PTPRN2: variants seen among roughly 807,000 people sequenced by gnomAD.
The protein encoded by PTPRN2 is receptor-type tyrosine-protein phosphatase N2.
A neutral mutation model predicts 118.8 loss-of-function variants in PTPRN2; 74 were observed. That is an observed-to-expected ratio of 0.62 (90% CI 0.52 to 0.76). PTPRN2 has a LOEUF of 0.76. Among genes scored for constraint, PTPRN2 ranks in the 30% least tolerant of loss-of-function variants. The probability of loss-of-function intolerance (pLI) is 0.00; values close to 1 mark genes in which losing one functional copy is unlikely to be tolerated. For synonymous variants in PTPRN2, 641 were observed against 608.0 expected (o/e 1.05, Z -0.80); for missense variants, 1,481 against 1,394.4 (o/e 1.06, Z -0.99).
rs111729424 is a variant in PTPRN2, at chr7:157,576,926, C to A, written c.2617-147G>T. 1,083 of 754,452 alleles carry A rather than the reference C, an allele frequency of 1.4e-3. 11 individuals are homozygous for A. The African/African-American group carries it at 0.017, about 12-fold the overall frequency. The allele number at this position is 754,452 out of a possible 1,614,324, so 46.7% of individuals were successfully genotyped here. On this transcript the variant is annotated intron_variant, in intron 18 of 22. Transcript: ENST00000389418. ...ATTTTACAGCGCAGGTGGGTTCCCT[C>A]GGCTTCGCGGCCCCCTCCCACCTTC...
intron 11 of PTPRN2, among the ~76,000 whole-genome samples, chr7:158,071,595 CT>C (rs1356106680): frequency 1.9e-5 from 1 of 52,038 alleles, no homozygotes; most frequent in African/African-American, 9.2e-5. Flanking sequence ...GGTGGAGGTG[CT>C]CCTGGTGGAG....
At chr7:158,483,867 A>G (rs1481139638) in intron 2 of PTPRN2, among the ~76,000 whole-genome samples, 1 of 152,164 alleles carries the variant, frequency 6.6e-6, no homozygotes, top group African/African-American at 2.4e-5. Context: ...GCCGGGCGCA[A>G]TGGCTCATGC....
chr7:157,815,132 G>A (rs932763251), intron 12 of PTPRN2, among the ~76,000 whole-genome samples: 3 of 152,256 alleles, frequency 2.0e-5, no homozygotes, highest in Non-Finnish European at 4.4e-5. Flanking sequence ...CTGCATGACC[G>A]GTTTCCCTGC....
intron 2 of PTPRN2, among the ~76,000 whole-genome samples, chr7:158,318,754 G>A (rs868415973): frequency 5.9e-5 from 9 of 152,234 alleles, no homozygotes; most frequent in African/African-American, 9.6e-5. Context: ...ATGCACCCCC[G>A]GGGTGGACGT....
intron 12 of PTPRN2, among the ~76,000 whole-genome samples, chr7:157,726,086 C>A (rs1457791536): frequency 2.3e-3 from 205 of 88,872 alleles, no homozygotes; most frequent in Middle Eastern, 8.8e-3. Flanking sequence ...AGGAGTGTGG[C>A]CAGACCCTCA....
chr7:158,070,327 T>C (rs1448816774), intron 11 of PTPRN2, among the ~76,000 whole-genome samples: 1 of 145,550 alleles, frequency 6.9e-6, no homozygotes, highest in Non-Finnish European at 1.5e-5. Context: ...GAGGTGCTCG[T>C]GGTGTGGAGG....
At chr7:158,068,402 A>T (rs925565135) in intron 11 of PTPRN2, among the ~76,000 whole-genome samples, 1 of 152,206 alleles carries the variant, frequency 6.6e-6, no homozygotes, top group Non-Finnish European at 1.5e-5. Flanking sequence ...CAGTGGCTGG[A>T]CTGCAGCTGG....
At chr7:157,613,742 A>T (rs1231353865) in intron 15 of PTPRN2, among the ~76,000 whole-genome samples, 1 of 152,138 alleles carries the variant, frequency 6.6e-6, no homozygotes, top group Admixed American at 6.5e-5. Context: ...GCCGTGGATG[A>T]GCAAACCTGC....
chr7:158,368,955 G>A (rs574183467), intron 2 of PTPRN2, among the ~76,000 whole-genome samples: 29 of 152,262 alleles, frequency 1.9e-4, no homozygotes, highest in Non-Finnish European at 2.9e-4. Flanking sequence ...GGGCGTTGCC[G>A]AAGGAGATTC....
intron 11 of PTPRN2, among the ~76,000 whole-genome samples, chr7:157,913,727 T>C (rs541358662): frequency 1.3e-5 from 2 of 152,340 alleles, no homozygotes; most frequent in Admixed American, 6.5e-5. Context: ...AAAAATAAAT[T>C]GCTGGATTTT....
At chr7:158,160,587 C>T (rs763140908) in intron 6 of PTPRN2, among the ~76,000 whole-genome samples, 4 of 152,214 alleles carry the variant, frequency 2.6e-5, no homozygotes, top group Non-Finnish European at 5.9e-5. Flanking sequence ...CTTGAGATCT[C>T]AGCTCTTCGA....
At chr7:158,520,014 C>T (rs916843016) in intron 1 of PTPRN2, among the ~76,000 whole-genome samples, 7 of 152,348 alleles carry the variant, frequency 4.6e-5, no homozygotes, top group East Asian at 3.9e-4. Flanking sequence ...GGAAACATTT[C>T]GATTTAATGA....
At chr7:157,999,325 T>G (rs2128856998) in intron 11 of PTPRN2, among the ~76,000 whole-genome samples, 1 of 152,220 alleles carries the variant, frequency 6.6e-6, no homozygotes. Flanking sequence ...ACAACTCAGC[T>G]CCCAATGTGA....
chr7:158,171,414 T>A (rs1336479767), intron 5 of PTPRN2, among the ~76,000 whole-genome samples: 1 of 149,200 alleles, frequency 6.7e-6, no homozygotes, highest in East Asian at 2.0e-4. Context: ...AATGGCGTGA[T>A]CTTGGCTCAC....
At chr7:158,280,881 G>GCA (rs1563083502) in intron 3 of PTPRN2, among the ~76,000 whole-genome samples, 2 of 152,346 alleles carry the variant, frequency 1.3e-5, no homozygotes, top group African/African-American at 4.8e-5. Flanking sequence ...CCCAGAACCA[G>GCA]CACGCTGTGA....
chr7:157,921,528 C>T (rs1291642812), intron 11 of PTPRN2, among the ~76,000 whole-genome samples: 1 of 152,122 alleles, frequency 6.6e-6, no homozygotes, highest in African/African-American at 2.4e-5. Flanking sequence ...GGAGGTGGGG[C>T]CTTTAAGAGG....
chr7:158,208,498 GTTATT>G (rs1827335629), intron 3 of PTPRN2, among the ~76,000 whole-genome samples: 1 of 152,186 alleles, frequency 6.6e-6, no homozygotes, highest in Non-Finnish European at 1.5e-5. Flanking sequence ...AAACGGGATT[GTTATT>G]TAAAGTGTTA....
At position 157,820,328 on chromosome 7, in the gene PTPRN2, AAC is replaced by A. The variant is rs575219904; in HGVS notation, c.1788+78343_1788+78344del. ...CAGACCCACACACGTTCACACACACAACACAGTCACATATGCACTCAAACATA... is the reference window on the plus strand; with the variant it reads ...CAGACCCACACACGTTCACACACACAACAGTCACATATGCACTCAAACATA... On this transcript the variant is annotated intron_variant, in intron 12 of 22. Transcript: ENST00000389418. Among the ~76,000 whole-genome samples, 39 of 150,126 alleles carry A rather than the reference AAC, an allele frequency of 2.6e-4. 1 individual carries two copies. The highest frequency in any genetic ancestry group is 4.7e-4 in the African/African-American group (19 of 40,736).
At chr7:158,145,883 C>T (rs1452173489) in intron 6 of PTPRN2, among the ~76,000 whole-genome samples, 2 of 152,194 alleles carry the variant, frequency 1.3e-5, no homozygotes, top group African/African-American at 2.4e-5. Flanking sequence ...AGTCTTGGCC[C>T]CAGCGCTCAT....
Sources: gnomAD v4.1 joint callset for allele counts (sites outside exome capture counted in the v4.1 genomes callset) on GRCh38, gnomAD v4.1.1 for gene constraint, MANE v1.5 for transcripts, NCBI Gene and HGNC (gene_info 2026-07-23, HGNC 2026-07-21) for gene names.